The following ZFAND2A variants were observed in gnomAD, a reference collection of about 807,000 sequenced individuals.
The protein encoded by ZFAND2A is zinc finger AN1-type containing 2A, also known as AN1-type zinc finger protein 2A.
A neutral mutation model predicts 11.6 loss-of-function variants in ZFAND2A; 20 were observed. The observed-to-expected ratio is 1.72, with a 90% CI of 1.21 to 2.50. The LOEUF is 2.50. ZFAND2A is among the 30% of genes most tolerant of loss of function. The pLI is 0.00. For synonymous variants in ZFAND2A, 93 were observed against 60.6 expected (o/e 1.54, Z -2.48); for missense variants, 234 against 182.9 (o/e 1.28, Z -1.61).
downstream of ZFAND2A, among the ~76,000 whole-genome samples, chr7:1,149,329 G>A (rs1224844239): frequency 1.3e-5 from 2 of 152,216 alleles, no homozygotes; most frequent in Non-Finnish European, 2.9e-5. Context: ...CGAGGCCAGA[G>A]GTGCTGCAGA....
At chr7:1,158,369 T>C in intron 1 of ZFAND2A, 112 bp from the exon 2 acceptor site, 1 of 662,588 alleles carries the variant, frequency 1.5e-6, no homozygotes, top group Non-Finnish European at 2.6e-6. Flanking sequence ...GTGGGGAGCA[T>C]TCCATGGAGT....
downstream of ZFAND2A, among the ~76,000 whole-genome samples, chr7:1,152,728 G>A (rs752166518): frequency 6.6e-6 from 1 of 152,120 alleles, no homozygotes; most frequent in Non-Finnish European, 1.5e-5. Flanking sequence ...GACGAGCCCC[G>A]AGATGCTGGG....
chr7:1,151,115 T>C (rs147525196), downstream of ZFAND2A, among the ~76,000 whole-genome samples: 45 of 152,264 alleles, frequency 3.0e-4, no homozygotes, highest in East Asian at 7.7e-3. Context: ...CTCAAACTCC[T>C]GACCTCAGGT....
chr7:1,151,261 G>C (rs1229383996), downstream of ZFAND2A, among the ~76,000 whole-genome samples: 2 of 152,178 alleles, frequency 1.3e-5, no homozygotes, highest in African/African-American at 4.8e-5. Flanking sequence ...CTCTCACACA[G>C]TGTCCCAGCC....
intron 1 of ZFAND2A, among the ~76,000 whole-genome samples, chr7:1,159,437 CCCCAGCAGACAGCCGGACT>C (rs1376307358): frequency 2.6e-5 from 4 of 151,896 alleles, no homozygotes; most frequent in Non-Finnish European, 4.4e-5. Flanking sequence ...CAGGCCCGGC[CCCCAGCAGACAGCCGGACT>C]CCCAGCAGAC....
rs1357870698 is a variant in ZFAND2A at position 1,155,510 on chromosome 7, C to A, written c.225G>T (p.Val75=). 6.8e-6 allele frequency: 11 copies of A among 1,613,842 alleles called. No homozygotes were observed. The highest frequency in any genetic ancestry group is 1.7e-5 in the Admixed American group (1 of 59,978). ...PVKKGQIPDV[V]VGDHIDRDCD... ...AGTCTCTGTCAATGTGATCACCAAC[C>A]ACCACGTCTGGTATCTGGCCCTTTT... Residue 75 remains valine, a synonymous_variant, in exon 4 of 5, where the codon GTG becomes GTT. Transcript: ENST00000316495.
At chr7:1,151,776 C>CAAAAAAAAAAAAAAAAAAAAAAAAAAAA (rs1563158643), downstream of ZFAND2A, among the ~76,000 whole-genome samples, 78 of 52,638 alleles carry the variant, frequency 1.5e-3, no homozygotes, top group Non-Finnish European at 2.2e-3. Context: ...AAAAAAAAAG[C>CAAAAAAAAAAAAAAAAAAAAAAAAAAAA]AAAGCCAGCC....
At chr7:1,149,280 A>G (rs147541803), downstream of ZFAND2A, among the ~76,000 whole-genome samples, 1 of 152,188 alleles carries the variant, frequency 6.6e-6, no homozygotes, top group Non-Finnish European at 1.5e-5. Context: ...AACCACACCG[A>G]ACACTGTGCT....
At chr7:1,157,986 T>TCC (rs1213642911) in intron 2 of ZFAND2A, among the ~76,000 whole-genome samples, 172 bp downstream of exon 2, 6 of 152,246 alleles carry the variant, frequency 3.9e-5, no homozygotes, top group Middle Eastern at 6.8e-3. Context: ...CAGCCTGCAC[T>TCC]CCTGCACCCA....
intron 4 of ZFAND2A, 29 bp downstream of exon 4, chr7:1,155,424 G>A (rs1223114318): frequency 6.2e-7 from 1 of 1,601,054 alleles, no homozygotes; most frequent in Admixed American, 1.7e-5. Context: ...CTTCCCAGAT[G>A]AAGGAACTGA....
intron 4 of ZFAND2A, 130 bp downstream of exon 4, chr7:1,155,323 C>T: frequency 2.3e-6 from 3 of 1,300,492 alleles, no homozygotes; most frequent in Middle Eastern, 2.9e-4. Context: ...AGGGATAACG[C>T]AGCGTTAGGA....
Position 1,155,451 on chromosome 7 carries a change from A to AC in ZFAND2A, c.282+1dup. The AC allele has an allele frequency of 6.2e-7, 1 of 1,612,744 alleles. No homozygotes were observed. The highest frequency in any genetic ancestry group is 8.5e-7 in the Non-Finnish European group (1 of 1,179,442). ...AGGAACTGAGGCGGGCTCTGTCCTTACCTTCTCTTTCTTCTTCCCAGGGTG... is the reference window on the plus strand; with the variant it reads ...AGGAACTGAGGCGGGCTCTGTCCTTACCCTTCTCTTTCTTCTTCCCAGGGTG... On this transcript the variant is annotated splice_donor_variant, in intron 4 of 4. Transcript: ENST00000316495. LOFTEE classifies it high-confidence loss of function.
downstream of ZFAND2A, among the ~76,000 whole-genome samples, chr7:1,151,762 T>TTAAAAAAAA (rs1554344524): frequency 2.6e-4 from 23 of 87,178 alleles, no homozygotes; most frequent in East Asian, 7.4e-4. Context: ...TCATCCCTTT[T>TTAAAAAAAA]AAAAAAAAAA....
chr7:1,155,054 G>A (rs1385593984), intron 4 of ZFAND2A, among the ~76,000 whole-genome samples: 1 of 152,174 alleles, frequency 6.6e-6, no homozygotes, highest in Non-Finnish European at 1.5e-5. Flanking sequence ...GGAGGCAGAG[G>A]TTGCAATGAG....
chr7:1,152,157 A>C, downstream of ZFAND2A: 3 of 1,439,950 alleles, frequency 2.1e-6, no homozygotes, highest in Non-Finnish European at 2.8e-6. Context: ...GCATCGCGTC[A>C]CACTGTGCAG....
At chr7:1,152,225 C>T (rs1271052070), downstream of ZFAND2A, 17 of 1,552,782 alleles carry the variant, frequency 1.1e-5, no homozygotes, top group Admixed American at 1.9e-5. Context: ...CCCACACAGA[C>T]GAAATTGCGT....
chr7:1,157,867 C>T (rs533758638), intron 2 of ZFAND2A, 117 bp from the exon 3 acceptor site: 12 of 798,342 alleles, frequency 1.5e-5, no homozygotes, highest in African/African-American at 1.2e-4. Context: ...GACAGGTCCT[C>T]GAGGGCCACA....
downstream of ZFAND2A, among the ~76,000 whole-genome samples, chr7:1,149,541 A>G (rs1793359813): frequency 6.6e-6 from 1 of 152,224 alleles, no homozygotes; most frequent in Non-Finnish European, 1.5e-5. Context: ...TGAAATAAGC[A>G]TAGCAACGGT....
chr7:1,153,523 T>A (rs1208037238), intron 4 of ZFAND2A, among the ~76,000 whole-genome samples: 5 of 151,178 alleles, frequency 3.3e-5, no homozygotes, highest in Admixed American at 2.0e-4. Flanking sequence ...ATTACCTGTG[T>A]GAGCCACTGT....
Sources: gnomAD v4.1 joint callset for allele counts (sites outside exome capture counted in the v4.1 genomes callset) on GRCh38, gnomAD v4.1.1 for gene constraint, MANE v1.5 for transcripts, NCBI Gene and HGNC (gene_info 2026-07-23, HGNC 2026-07-21) for gene names.